Variants in ADAMTS3 observed in about 807,000 individuals in gnomAD.
The protein encoded by ADAMTS3 is A disintegrin and metalloproteinase with thrombospondin motifs 3.
In ADAMTS3, 73 loss-of-function variants were observed where a neutral mutation model predicts 129.0. That is an observed-to-expected ratio of 0.57 (90% CI 0.47 to 0.69). The LOEUF is 0.69. ADAMTS3 is among the 30% of genes least tolerant of loss of function. The probability of loss-of-function intolerance (pLI) is 0.00; values close to 1 mark genes in which losing one functional copy is unlikely to be tolerated. For synonymous variants in ADAMTS3, 477 were observed against 510.8 expected (o/e 0.93, Z 0.89); for missense variants, 1,457 against 1,514.5 (o/e 0.96, Z 0.63).
chr4:72,457,402 C>T (rs1422821491), intron 3 of ADAMTS3, among the ~76,000 whole-genome samples: 2 of 151,644 alleles, frequency 1.3e-5, no homozygotes, highest in East Asian at 3.9e-4. Context: ...ATTAGTCAGG[C>T]AGAAAGGAAT....
chr4:72,490,910 T>C (rs1414671841), intron 3 of ADAMTS3, among the ~76,000 whole-genome samples: 1 of 151,912 alleles, frequency 6.6e-6, no homozygotes. Context: ...AGTCTGTATA[T>C]AACTTTGGTT....
At chr4:72,481,409 C>T (rs1719431966) in intron 3 of ADAMTS3, among the ~76,000 whole-genome samples, 1 of 152,152 alleles carries the variant, frequency 6.6e-6, no homozygotes, top group Non-Finnish European at 1.5e-5. Context: ...ATATGCCCAA[C>T]TTACTTCTGA....
chr4:72,486,978 G>A (rs1719607266), intron 3 of ADAMTS3, among the ~76,000 whole-genome samples: 1 of 152,044 alleles, frequency 6.6e-6, no homozygotes, highest in South Asian at 2.1e-4. Flanking sequence ...ATCCTTATCT[G>A]AATTTAATAA....
chr4:72,476,941 C>A (rs1719251782), intron 3 of ADAMTS3, among the ~76,000 whole-genome samples: 1 of 151,990 alleles, frequency 6.6e-6, no homozygotes, highest in South Asian at 2.1e-4. Context: ...AAATACGTAT[C>A]AAATGATGCA....
At chr4:72,455,421 C>T (rs1370682670) in intron 3 of ADAMTS3, among the ~76,000 whole-genome samples, 1 of 151,200 alleles carries the variant, frequency 6.6e-6, no homozygotes, top group Non-Finnish European at 1.5e-5. Context: ...GGGAGTTGAA[C>T]AATGAGAACA....
chr4:72,318,479 T>A, intron 10 of ADAMTS3, 93 bp downstream of exon 10: 1 of 1,332,982 alleles, frequency 7.5e-7, no homozygotes, highest in Non-Finnish European at 1.0e-6. Context: ...GATATTATTA[T>A]ACTTGCACCA....
chr4:72,501,871 C>T (rs78755345), intron 3 of ADAMTS3, among the ~76,000 whole-genome samples: 5,477 of 152,112 alleles, frequency 0.036, 119 homozygotes, highest in Non-Finnish European at 0.048. Context: ...TTGAGATGAT[C>T]GTATGATTTT....
chr4:72,485,499 T>C (rs576329233), intron 3 of ADAMTS3, among the ~76,000 whole-genome samples: 29 of 152,310 alleles, frequency 1.9e-4, no homozygotes, highest in African/African-American at 6.3e-4. Flanking sequence ...TATGTTCTGG[T>C]TTAACAGGTT....
At chr4:72,322,561 G>A (rs1043964041) in intron 6 of ADAMTS3, among the ~76,000 whole-genome samples, 2 of 152,034 alleles carry the variant, frequency 1.3e-5, no homozygotes, top group South Asian at 2.1e-4. Flanking sequence ...TGTTTTTAGC[G>A]AATCAAGAGA....
intron 3 of ADAMTS3, among the ~76,000 whole-genome samples, chr4:72,428,198 C>T (rs62319890): frequency 0.076 from 11,557 of 151,950 alleles, 566 homozygotes; most frequent in Non-Finnish European, 0.1. Flanking sequence ...CCACCTACCC[C>T]AATTTTCTGA....
chr4:72,308,853 G>C (rs1234911857), intron 15 of ADAMTS3, among the ~76,000 whole-genome samples: 1 of 151,872 alleles, frequency 6.6e-6, no homozygotes, highest in African/African-American at 2.4e-5. Flanking sequence ...TACATCTCAG[G>C]TTAGTTTTTG....
chr4:72,306,853 T>G (rs1386045447), intron 15 of ADAMTS3, among the ~76,000 whole-genome samples: 2 of 151,976 alleles, frequency 1.3e-5, no homozygotes, highest in African/African-American at 4.8e-5. Flanking sequence ...GTAAATGTCA[T>G]ATATCACATA....
intron 4 of ADAMTS3, among the ~76,000 whole-genome samples, chr4:72,371,571 A>T (rs1232129778): frequency 2.6e-5 from 4 of 151,774 alleles, no homozygotes; most frequent in Non-Finnish European, 5.9e-5. Flanking sequence ...AGATTAAAAA[A>T]CTCAACCCAC....
At chr4:72,525,840 T>C (rs148310690) in intron 3 of ADAMTS3, among the ~76,000 whole-genome samples, 187 of 152,266 alleles carry the variant, frequency 1.2e-3, no homozygotes, top group African/African-American at 4.2e-3. Context: ...ATTTGCATTT[T>C]CTAGCAGTGG....
At position 72,405,286 on chromosome 4, in the gene ADAMTS3, A is replaced by C. The variant is rs536944914; in HGVS notation, c.661+9529T>G. The stretch of plus-strand genomic sequence containing the variant: ...TTCACAATATCGAAGATGTGGAAAC[A>C]ACCTAAATGTTCACTGATAGATGAA... On this transcript the variant is annotated intron_variant, in intron 4 of 21. Transcript: ENST00000286657. Among the ~76,000 whole-genome samples, 17 of 152,298 alleles carry C rather than the reference A, an allele frequency of 1.1e-4. No homozygotes were observed. In the East Asian group the frequency reaches 1.7e-3, roughly 16 times the overall value.
At chr4:72,316,938 T>C (rs1259963757) in intron 10 of ADAMTS3, among the ~76,000 whole-genome samples, 1 of 152,122 alleles carries the variant, frequency 6.6e-6, no homozygotes, top group East Asian at 1.9e-4. Flanking sequence ...AGCACAAGAC[T>C]AGAGTCTTGG....
At chr4:72,498,786 G>T (rs1273768812) in intron 3 of ADAMTS3, among the ~76,000 whole-genome samples, 1 of 151,938 alleles carries the variant, frequency 6.6e-6, no homozygotes, top group African/African-American at 2.4e-5. Flanking sequence ...CTGTCTCATA[G>T]TTTCAGTAAT....
At position 72,320,722 on chromosome 4, in the gene ADAMTS3, C is replaced by A. The variant is rs758883205; in HGVS notation, c.1094G>T (p.Gly365Val). 4 of 1,613,188 alleles carry A rather than the reference C, an allele frequency of 2.5e-6. No homozygotes were observed. In the Admixed American group the frequency reaches 6.7e-5, roughly 27 times the overall value. Residue 365 changes from glycine (G) to valine (V), a missense_variant, in exon 7 of 22, where the codon GGA becomes GTA. Gly to Val is a moderately radical substitution (Grantham distance 109). Transcript: ENST00000286657. ...CATATTGACAGCAATACCTTGCATT[C>A]CAGCAGGTCCAAAGTCTTGCCTGGT... ...FLTRQDFGPAGMQGYAPVTGM... is the reference protein window; with the variant it reads ...FLTRQDFGPAVMQGYAPVTGM...
intron 4 of ADAMTS3, among the ~76,000 whole-genome samples, chr4:72,354,902 T>C (rs1218183612): frequency 2.0e-5 from 3 of 151,982 alleles, no homozygotes; most frequent in East Asian, 3.9e-4. Flanking sequence ...GGATTGTGTC[T>C]TCTCTTTCCT....
Sources: allele counts gnomAD v4.1 joint callset (sites outside exome capture counted in the v4.1 genomes callset), GRCh38; gene constraint gnomAD v4.1.1; transcripts MANE v1.5; gene names NCBI Gene and HGNC (gene_info 2026-07-23, HGNC 2026-07-21).